The following ULK4 variants were observed in gnomAD, a reference collection of about 807,000 sequenced individuals.
The protein encoded by ULK4 is inactive serine/threonine-protein kinase ULK4.
In ULK4, 133 loss-of-function variants were observed where a neutral mutation model predicts 160.6. The observed-to-expected ratio is 0.83, with a 90% confidence interval of 0.72 to 0.96. The LOEUF (loss-of-function observed/expected upper bound fraction) is 0.96. ULK4 is among the 40% of genes least tolerant of loss of function. The pLI is 0.00. For missense variants in ULK4, 1,580 were observed against 1,499.5 expected (o/e 1.05, Z -0.89); for synonymous variants, 534 against 539.8 (o/e 0.99, Z 0.15).
chr3:41,418,142 C>A (rs986705770), intron 34 of ULK4, among the ~76,000 whole-genome samples: 1 of 152,058 alleles, frequency 6.6e-6, no homozygotes, highest in African/African-American at 2.4e-5. Flanking sequence ...GACCCTTGAA[C>A]AACACAGGGT....
intron 16 of ULK4, among the ~76,000 whole-genome samples, chr3:41,892,386 A>C (rs1697997944): frequency 6.6e-6 from 1 of 152,260 alleles, no homozygotes; most frequent in Non-Finnish European, 1.5e-5. Flanking sequence ...AAACAAAAAC[A>C]GAAAACACTA....
rs1345529305 is a variant in ULK4 at position 41,787,802 on chromosome 3, C to A, written c.2193+1859G>T. 2.6e-5 allele frequency among the ~76,000 whole-genome samples: 4 copies of A among 152,150 alleles called. No homozygotes were observed. In the South Asian group the frequency reaches 6.2e-4, roughly 24 times the overall value. ...GTAAAAGACTGTTTATCACGCCATA[C>A]AATTGCTCATTTCCTTAAGACATGT... On this transcript the variant is annotated intron_variant, in intron 21 of 36. Coordinates refer to ENST00000301831, the MANE Select transcript of ULK4 (RefSeq NM_017886.4).
At chr3:41,523,000 C>A (rs1159517185) in intron 32 of ULK4, among the ~76,000 whole-genome samples, 1 of 152,142 alleles carries the variant, frequency 6.6e-6, no homozygotes, top group Non-Finnish European at 1.5e-5. Context: ...TAACCTCCAC[C>A]TCCCAGGTTC....
chr3:41,453,433 A>G (rs116437444), intron 34 of ULK4, among the ~76,000 whole-genome samples: 2,286 of 152,016 alleles, frequency 0.015, 49 homozygotes, highest in African/African-American at 0.053. Flanking sequence ...CATCTCGACC[A>G]CCCAAAGTGC....
chr3:41,898,642 T>C (rs1288017151), intron 13 of ULK4, 150 bp from the exon 14 acceptor site: 7 of 534,122 alleles, frequency 1.3e-5, no homozygotes, highest in African/African-American at 1.9e-5. Flanking sequence ...ACAATGACTT[T>C]TCGGATTAAA....
At chr3:41,601,525 A>G (rs2032062861) in intron 31 of ULK4, among the ~76,000 whole-genome samples, 1 of 152,114 alleles carries the variant, frequency 6.6e-6, no homozygotes, top group Non-Finnish European at 1.5e-5. Context: ...GTGAGAGGGA[A>G]ACAGGGGACT....
At chr3:41,855,886 T>A (rs1057101993) in intron 17 of ULK4, among the ~76,000 whole-genome samples, 7 of 152,208 alleles carry the variant, frequency 4.6e-5, no homozygotes, top group African/African-American at 1.7e-4. Flanking sequence ...TCATACCTGC[T>A]GCCCTAAAAA....
In ULK4 at chr3:41,493,858, A is replaced by ACC. The variant is rs1420609320; in HGVS notation, c.3227-30607_3227-30606dup. ...AATGGATAAATTCCTCGACACATAC[A>ACC]CCCTCCCAAGACTAAACCAGGAAGA... On this transcript the variant is annotated intron_variant, in intron 32 of 36. Transcript: ENST00000301831. Among the ~76,000 whole-genome samples, 5 of 142,470 alleles carry ACC rather than the reference A, an allele frequency of 3.5e-5. No individual in the cohort carries two copies. In the East Asian group the frequency reaches 9.9e-4, roughly 28 times the overall value. 93.5% of individuals were successfully genotyped at this position (142,470 alleles called of 152,430 possible).
chr3:41,455,644 C>T, intron 33 of ULK4, 49 bp from the exon 34 acceptor site: 2 of 1,588,396 alleles, frequency 1.3e-6, no homozygotes, highest in Non-Finnish European at 1.7e-6. Context: ...GATTAGTCAG[C>T]TTGGCCAAAG....
intron 17 of ULK4, among the ~76,000 whole-genome samples, chr3:41,872,326 G>A (rs184132937): frequency 2.6e-5 from 4 of 152,284 alleles, no homozygotes; most frequent in East Asian, 1.9e-4. Flanking sequence ...ACAGGGTGTC[G>A]TTCAGCACAT....
chr3:41,374,481 A>G (rs552401405), intron 35 of ULK4, among the ~76,000 whole-genome samples: 1 of 152,346 alleles, frequency 6.6e-6, no homozygotes, highest in African/African-American at 2.4e-5. Flanking sequence ...GGCTGGTTCA[A>G]CATATTCAAC....
intron 3 of ULK4, among the ~76,000 whole-genome samples, chr3:41,936,459 T>G (rs1699778900): frequency 6.6e-6 from 1 of 152,208 alleles, no homozygotes; most frequent in Non-Finnish European, 1.5e-5. Context: ...TCCCAGTTAC[T>G]TCTCTACCAT....
At chr3:41,563,621 C>T (rs79729054) in intron 32 of ULK4, among the ~76,000 whole-genome samples, 9,332 of 152,186 alleles carry the variant, frequency 0.061, 855 homozygotes, top group African/African-American at 0.2. Flanking sequence ...CCTTCAATCA[C>T]GGATACCCTT....
At chr3:41,595,728 A>G (rs1449075478) in intron 31 of ULK4, among the ~76,000 whole-genome samples, 1 of 152,204 alleles carries the variant, frequency 6.6e-6, no homozygotes, top group Non-Finnish European at 1.5e-5. Context: ...AGGAAGTAAT[A>G]ACAGAGAGTG....
chr3:41,817,158 T>G (rs2040995310), intron 19 of ULK4, among the ~76,000 whole-genome samples: 1 of 152,174 alleles, frequency 6.6e-6, no homozygotes, highest in Non-Finnish European at 1.5e-5. Context: ...GAACTATAGT[T>G]TACACAATCA....
intron 34 of ULK4, among the ~76,000 whole-genome samples, chr3:41,422,781 A>G (rs2082690567): frequency 1.3e-5 from 2 of 152,200 alleles, no homozygotes; most frequent in South Asian, 2.1e-4. Flanking sequence ...TTATATGGTA[A>G]CTAGTACTTA....
intron 35 of ULK4, among the ~76,000 whole-genome samples, chr3:41,395,633 G>A (rs2082043571): frequency 6.6e-6 from 1 of 152,054 alleles, no homozygotes; most frequent in South Asian, 2.1e-4. Flanking sequence ...AGGAGGAGTG[G>A]GAAGTTATTG....
At chr3:41,337,100 G>A (rs971808007) in intron 35 of ULK4, among the ~76,000 whole-genome samples, 2 of 152,134 alleles carry the variant, frequency 1.3e-5, no homozygotes, top group African/African-American at 2.4e-5. Context: ...ACTACATGCC[G>A]CATCATGAAT....
At chr3:41,859,308 C>A in intron 17 of ULK4, 1 of 577,530 alleles carries the variant, frequency 1.7e-6, no homozygotes, top group East Asian at 4.5e-5. Flanking sequence ...ATTCTCTCCT[C>A]GTGACCTCAA....
Sources: gnomAD v4.1 joint callset for allele counts (sites outside exome capture counted in the v4.1 genomes callset) on GRCh38, gnomAD v4.1.1 for gene constraint, MANE v1.5 for transcripts, NCBI Gene and HGNC (gene_info 2026-07-23, HGNC 2026-07-21) for gene names.